Variants in HUWE1 observed in about 807,000 individuals in gnomAD.
HUWE1 encodes the protein HECT, UBA and WWE domain containing E3 ubiquitin protein ligase 1.
HUWE1 carries 18 observed loss-of-function variants against 299.4 expected under a neutral mutation model. The observed-to-expected ratio is 0.06, with a 90% CI of 0.04 to 0.09. HUWE1 has a LOEUF of 0.09. HUWE1 is among the 10% of genes least tolerant of loss of function. HUWE1 has a pLI of 1.00. For missense variants in HUWE1, 1,832 were observed against 3,462.3 expected, an observed-to-expected ratio of 0.53 and a Z score of 11.82; for synonymous variants, 1,317 against 1,286.1, an observed-to-expected ratio of 1.02 and a Z score of -0.51.
chrX:53,576,404 T>C (rs1024080544), intron 44 of HUWE1, among the ~76,000 whole-genome samples: 1 of 111,684 alleles, frequency 9.0e-6, no homozygotes, highest in Admixed American at 9.4e-5. Context: ...GGTGTGGTGG[T>C]CTCAACAGTT....
At chrX:53,567,846 T>C (rs1556947145) in intron 49 of HUWE1, among the ~76,000 whole-genome samples, 2 of 111,147 alleles carry the variant, frequency 1.8e-5, no homozygotes, top group Non-Finnish European at 3.8e-5. Context: ...CACGATACAA[T>C]ATGAGCTATA....
chrX:53,653,677 G>A (rs1422141954), intron 4 of HUWE1, among the ~76,000 whole-genome samples: 2 of 112,432 alleles, frequency 1.8e-5, no homozygotes, highest in African/African-American at 6.5e-5. Flanking sequence ...TAAGAAAGAT[G>A]TTACCACTTT....
At position 53,558,807 on chromosome X, in the gene HUWE1, C is replaced by T. The variant is rs1556937819; in HGVS notation, c.8008G>A (p.Val2670Ile). Residue 2670 changes from valine (V) to isoleucine (I), a missense_variant and splice_region_variant, in exon 59 of 84, where the codon GTT becomes ATT. By Grantham distance (29) the Val-to-Ile change is conservative. This residue lies in a region of HUWE1 where 170 missense variants were observed against 335.8 expected (regional missense o/e 0.51). Coordinates refer to ENST00000262854, the MANE Select transcript of HUWE1 (RefSeq NM_031407.7). The part of the protein sequence containing the change: ...AESMHDCVSV[V>I]KVSIVNHLEF... ...AGGTGATTGACAATGGACACTTTAA[C>T]CACTGTTTCAAAGAGGCAAAAATCA... The T allele has an allele frequency of 8.3e-7, 1 of 1,211,660 alleles. No individual in the cohort carries two copies. Among genetic ancestry groups the T allele is most frequent in the Admixed American group, 2.2e-5 (1 of 46,043 alleles).
chrX:53,673,698 G>A (rs995337632), intron 3 of HUWE1, among the ~76,000 whole-genome samples: 1 of 111,580 alleles, frequency 9.0e-6, no homozygotes, highest in Non-Finnish European at 1.9e-5. Context: ...TTGAATTTTG[G>A]ATTAGGGACA....
At chrX:53,585,517 C>T (rs1027510378) in intron 39 of HUWE1, among the ~76,000 whole-genome samples, 31 of 111,239 alleles carry the variant, frequency 2.8e-4, no homozygotes, top group African/African-American at 8.2e-4. Context: ...TCATTATCCA[C>T]GGACTGGGTT....
intron 51 of HUWE1, 59 bp from the exon 52 acceptor site, chrX:53,563,880 G>T: frequency 1.7e-6 from 2 of 1,143,159 alleles, no homozygotes; most frequent in East Asian, 6.1e-5. Context: ...TGCTAGCACC[G>T]AAACCCTAAA....
intron 40 of HUWE1, among the ~76,000 whole-genome samples, 164 bp from the exon 41 acceptor site, chrX:53,584,509 G>A (rs903778804): frequency 9.0e-6 from 1 of 111,353 alleles, no homozygotes; most frequent in Non-Finnish European, 1.9e-5. Context: ...GTCCCCAGAA[G>A]GCAAGTGGCA....
In HUWE1 at chrX:53,645,410, G is replaced by A. The variant is rs782647426; in HGVS notation, c.405C>T (p.Leu135=). The A allele has an allele frequency of 1.7e-6, 2 of 1,209,883 alleles. No homozygotes were observed. Among genetic ancestry groups the A allele is most frequent in the Non-Finnish European group, 2.2e-6 (2 of 894,469 alleles). Residue 135 remains leucine, a synonymous_variant, in exon 7 of 84, where the codon CTC becomes CTT. Transcript: ENST00000262854. The stretch of plus-strand genomic sequence containing the variant: ...TTTTGCTAAATACATATAGGAGATT[G>A]AGGACTGCCAGCACCACTTGCATAT... ...SSDMQVVLAV[L]NLLYVFSKRS... is the part of the protein sequence containing the mutation.
intron 3 of HUWE1, among the ~76,000 whole-genome samples, chrX:53,671,791 CAAAAAAAAAAAAA>C (rs60356592): frequency 1.4e-4 from 4 of 28,553 alleles, no homozygotes; most frequent in Non-Finnish European, 2.0e-4. Flanking sequence ...GACTCCGTCT[CAAAAAAAAAAAAA>C]AAAAAAAAAA....
In HUWE1 at chrX:53,631,490, A is replaced by T. The variant is rs1557022711; in HGVS notation, c.694-8T>A. On this transcript the variant is annotated splice_polypyrimidine_tract_variant and splice_region_variant and intron_variant, in intron 10 of 83. Transcript: ENST00000262854. ...AGAAGGGCTTTCTGAAATCTACATT[A>T]AAAAAAAAGATATAGTTAGGAACAA... The T allele has an allele frequency of 5.4e-6, 6 of 1,111,878 alleles. No homozygotes were observed. The South Asian group carries it at 5.6e-5, about 10-fold the overall frequency. 91.6% of individuals were successfully genotyped at this position (1,111,878 alleles called of 1,213,427 possible).
chrX:53,664,826 G>C (rs782692747), intron 3 of HUWE1, among the ~76,000 whole-genome samples: 12 of 111,286 alleles, frequency 1.1e-4, no homozygotes, highest in Non-Finnish European at 1.9e-4. Context: ...GATTATAGAG[G>C]AATAGGTGTC....
Position 53,627,488 on chromosome X carries a change from A to G in HUWE1, c.1411T>C (p.Cys471Arg), listed in dbSNP as rs782333957. 11 of 1,198,573 alleles carry G rather than the reference A, an allele frequency of 9.2e-6. No homozygotes were observed. The Admixed American group carries it at 1.1e-4, about 12-fold the overall frequency. ...EHEVDLCRKECPFVIKPKIQR... is the reference protein window; with the variant it reads ...EHEVDLCRKERPFVIKPKIQR... The stretch of plus-strand genomic sequence containing the variant: ...ATCTTTGGCTTGATCACAAACGGAC[A>G]TTCTTTTCGGCACAAATCTACTTCA... The change falls in exon 17 of 84, where the codon TGT becomes CGT. Residue 471 changes from cysteine to arginine, a missense_variant. Coordinates refer to ENST00000262854, the MANE Select transcript of HUWE1 (RefSeq NM_031407.7).
Position 53,548,187 on chromosome X carries a change from T to A in HUWE1, c.10122A>T (p.Pro3374=). The change falls in exon 68 of 84, where the codon CCA becomes CCT. Residue 3374 remains proline (P), a synonymous_variant. Coordinates refer to ENST00000262854, the MANE Select transcript of HUWE1 (RefSeq NM_031407.7). The stretch of plus-strand genomic sequence containing the variant: ...CACTGCTGGAGGACTGTGAGGAGCA[T>A]GGGCTACAGGCCTTATTGCCCCTTT... ...DRERGNKACS[P]CSSQSSSSGI... is the part of the protein sequence containing the mutation. 2 of 1,209,416 alleles carry A rather than the reference T, an allele frequency of 1.7e-6. No individual in the cohort carries two copies. The highest frequency in any genetic ancestry group is 2.2e-6 in the Non-Finnish European group (2 of 894,082).
intron 45 of HUWE1, 125 bp downstream of exon 45, chrX:53,575,518 C>T: frequency 1.3e-6 from 1 of 795,041 alleles, no homozygotes; most frequent in East Asian, 3.4e-5. Flanking sequence ...TTACAGGCAA[C>T]AGATAATTTA....
rs782278011 is a variant in HUWE1 at position 53,539,017 on chromosome X, G to A, written c.11696C>T (p.Pro3899Leu). Reference protein sequence around the residue: ...VHATERESKPPVRDTRESQLA... With the variant: ...VHATERESKPLVRDTRESQLA... ...CTGGCTCTCACGGGTGTCTCGGACA[G>A]GAGGCTTGCTCTCCCGCTCTGTGGC... The change falls in exon 76 of 84, where the codon CCT becomes CTT. Residue 3899 changes from proline (P) to leucine (L), a missense_variant. Pro to Leu is a moderately conservative substitution (Grantham distance 98, BLOSUM62 -3). Transcript: ENST00000262854. 1.7e-6 allele frequency: 2 copies of A among 1,209,099 alleles called. No homozygotes were observed. Among genetic ancestry groups the A allele is most frequent in the Non-Finnish European group, 1.1e-6 (1 of 894,046 alleles).
At position 53,552,383 on chromosome X, in the gene HUWE1, C is replaced by T. The variant is rs1370251359; in HGVS notation, c.8809G>A (p.Gly2937Arg). The change falls in exon 63 of 84, where the codon GGA becomes AGA. Residue 2937 changes from glycine to arginine, a missense_variant. Physicochemically the swap from Gly to Arg is moderately radical, Grantham distance 125. Around this residue, in one of 15 missense-constraint regions of HUWE1, gnomAD observed 91 missense variants for 281.2 expected, o/e 0.32. Transcript: ENST00000262854. ...STRDSAVAIS[G>R]ADSRGILEEP... ...TCTAGGATTCCTCGGGAATCTGCTC[C>T]AGAAATGGCCACGGCAGAATCTCTG... The T allele has an allele frequency of 3.3e-6, 4 of 1,209,427 alleles. No homozygotes were observed. Among genetic ancestry groups the T allele is most frequent in the African/African-American group, 1.8e-5 (1 of 57,139 alleles).
At chrX:53,577,536 CGGTCTCCTTCCAT>C (rs2063191871) in intron 43 of HUWE1, among the ~76,000 whole-genome samples, 1 of 102,514 alleles carries the variant, frequency 9.8e-6, no homozygotes, top group African/African-American at 3.3e-5. Context: ...CCTCTCCCCA[CGGTCTCCTTCCAT>C]GGTCTCCCTC....
chrX:53,570,081 A>G (rs906468262), intron 47 of HUWE1, among the ~76,000 whole-genome samples: 3 of 112,537 alleles, frequency 2.7e-5, no homozygotes, highest in Non-Finnish European at 5.6e-5. Context: ...GATGTCATGT[A>G]TTTTTAAAAA....
At position 53,551,136 on chromosome X, in the gene HUWE1, G is replaced by A. The variant is rs782626384; in HGVS notation, c.9150C>T (p.Ala3050=). ...CAGGGTCCATAGGGGTGTCTGAGCT[G>A]GCATTCTGTGCTAGTTCTCGTCGCT... ...EQQRRELAQN[A]SSDTPMDPVT... is the part of the protein sequence containing the mutation. The change falls in exon 65 of 84, where the codon GCC becomes GCT. Residue 3050 remains alanine (A), a synonymous_variant. Transcript: ENST00000262854. 8.3e-7 allele frequency: 1 copy of A among 1,211,845 alleles called. No individual in the cohort carries two copies. Among genetic ancestry groups the A allele is most frequent in the Admixed American group, 2.2e-5 (1 of 46,054 alleles).
Sources: gnomAD v4.1 joint callset for allele counts (sites outside exome capture counted in the v4.1 genomes callset) on GRCh38, gnomAD v4.1.1 for gene constraint, gnomAD v4.1.1 regional missense constraint, MANE v1.5 for transcripts, NCBI Gene and HGNC (gene_info 2026-07-23, HGNC 2026-07-21) for gene names.